Variants in PEAK1 observed in about 807,000 individuals in gnomAD.
PEAK1 encodes the protein inactive tyrosine-protein kinase PEAK1.
A neutral mutation model predicts 124.7 loss-of-function variants in PEAK1; 54 were observed. That is an observed-to-expected ratio of 0.43 (90% CI 0.35 to 0.54). The LOEUF is 0.54. Among genes scored for constraint, PEAK1 ranks in the 20% least tolerant of loss-of-function variants. The pLI is 0.01. For synonymous variants in PEAK1, 719 were observed against 760.0 expected (o/e 0.95, Z 0.89); for missense variants, 2,046 against 2,134.5 (o/e 0.96, Z 0.82).
chr15:77,206,650 C>T (rs2058673742), intron 6 of PEAK1, among the ~76,000 whole-genome samples: 1 of 151,032 alleles, frequency 6.6e-6, no homozygotes, highest in Non-Finnish European at 1.5e-5. Context: ...TGTTCATGTC[C>T]TTCGCCCACT....
chr15:77,158,534 C>CG lies in PEAK1; in HGVS notation c.3299dup (p.Asn1101GlufsTer4). ...TGCTGTATGTTGCACTACAAGGGTT[C>CG]GGGTCCATAGGATCTGAAATGTCTT... On this transcript the variant is annotated frameshift_variant, in exon 8 of 10. Transcript: ENST00000682557. LOFTEE classifies it high-confidence loss of function. 6.2e-7 allele frequency: 1 copy of CG among 1,614,114 alleles called. No homozygotes were observed. The highest frequency in any genetic ancestry group is 8.5e-7 in the Non-Finnish European group (1 of 1,179,978).
At chr15:77,182,833 T>A (rs2057354863) in intron 6 of PEAK1, among the ~76,000 whole-genome samples, 1 of 148,956 alleles carries the variant, frequency 6.7e-6, no homozygotes, top group African/African-American at 2.5e-5. Flanking sequence ...GATTATAGAG[T>A]TTATCCTAAG....
At chr15:77,408,060 G>A (rs947645797) in intron 1 of PEAK1, among the ~76,000 whole-genome samples, 1 of 147,856 alleles carries the variant, frequency 6.8e-6, no homozygotes. Context: ...TACATGCATA[G>A]ATACACATAT....
At chr15:77,130,165 C>T (rs1455541468) in intron 9 of PEAK1, among the ~76,000 whole-genome samples, 1 of 152,112 alleles carries the variant, frequency 6.6e-6, no homozygotes, top group Non-Finnish European at 1.5e-5. Context: ...GGCAATAATA[C>T]ATAAAGTTAG....
At chr15:77,232,197 T>A (rs1286421942) in intron 6 of PEAK1, among the ~76,000 whole-genome samples, 1 of 152,172 alleles carries the variant, frequency 6.6e-6, no homozygotes, top group Non-Finnish European at 1.5e-5. Context: ...ACAATCATCA[T>A]GTTTTCCATT....
intron 8 of PEAK1, among the ~76,000 whole-genome samples, chr15:77,140,373 T>C (rs2053677849): frequency 6.6e-6 from 1 of 151,898 alleles, no homozygotes; most frequent in Non-Finnish European, 1.5e-5. Context: ...CAGCAACATA[T>C]AAAAAAGGAT....
intron 1 of PEAK1, 148 bp from the exon 2 acceptor site, chr15:77,365,373 T>C (rs577369289): frequency 1.3e-4 from 22 of 165,696 alleles, no homozygotes; most frequent in South Asian, 1.2e-3. Context: ...CTATAGAATG[T>C]CAAGAATTAA....
chr15:77,407,596 C>A (rs1032185302), intron 1 of PEAK1, among the ~76,000 whole-genome samples: 15 of 151,986 alleles, frequency 9.9e-5, no homozygotes, highest in African/African-American at 2.7e-4. Flanking sequence ...TGGCCATAAT[C>A]AAAAAATATT....
intron 1 of PEAK1, chr15:77,404,011 C>T: frequency 1.0e-6 from 1 of 973,126 alleles, no homozygotes; most frequent in Non-Finnish European, 1.2e-6. Flanking sequence ...AGGTAATGAG[C>T]ATAGTACCTG....
intron 6 of PEAK1, among the ~76,000 whole-genome samples, chr15:77,229,810 G>C (rs1023685231): frequency 1.3e-5 from 2 of 152,030 alleles, no homozygotes; most frequent in Non-Finnish European, 2.9e-5. Flanking sequence ...ACCATGCCCA[G>C]CTAATTTTGT....
chr15:77,378,188 T>TTA (rs758426465), intron 1 of PEAK1, among the ~76,000 whole-genome samples: 7,925 of 129,610 alleles, frequency 0.061, 260 homozygotes, highest in East Asian at 0.1. Context: ...TATAACAATA[T>TTA]TATATATATA....
chr15:77,405,165 C>T (rs2071711611), intron 1 of PEAK1, among the ~76,000 whole-genome samples: 1 of 152,054 alleles, frequency 6.6e-6, no homozygotes, highest in South Asian at 2.1e-4. Flanking sequence ...GCCACCACAC[C>T]CGGCTAAGTT....
chr15:77,311,685 C>CAAAAAAAAAA (rs11296386), intron 2 of PEAK1, among the ~76,000 whole-genome samples: 18 of 85,834 alleles, frequency 2.1e-4, no homozygotes, highest in East Asian at 3.7e-4. Flanking sequence ...CCAACCCCCA[C>CAAAAAAAAAA]AAAAAAAAAA....
intron 1 of PEAK1, among the ~76,000 whole-genome samples, chr15:77,405,055 G>T (rs2071695934): frequency 6.6e-6 from 1 of 151,584 alleles, no homozygotes; most frequent in South Asian, 2.1e-4. Context: ...CAGCAGGCTG[G>T]AGTGCAGTGG....
chr15:77,303,272 C>T (rs1260906973), intron 2 of PEAK1, among the ~76,000 whole-genome samples: 4 of 152,108 alleles, frequency 2.6e-5, no homozygotes, highest in Admixed American at 2.0e-4. Context: ...TGGGTAAATA[C>T]CTAAGAGCAT....
In PEAK1 at chr15:77,350,745, C is replaced by G. The variant is rs575489300; in HGVS notation, c.-603+14418G>C. On this transcript the variant is annotated intron_variant, in intron 2 of 9. Coordinates refer to ENST00000682557, the MANE Select transcript of PEAK1 (RefSeq NM_001385026.1). ...AATCAGAATGATCATGCTGAAGCACCTTATGGATTAATAAAGACAGATCAA... is the reference window on the plus strand; with the variant it reads ...AATCAGAATGATCATGCTGAAGCACGTTATGGATTAATAAAGACAGATCAA... The G allele has an allele frequency of 3.0e-6, 3 of 984,636 alleles. No individual in the cohort carries two copies. In the East Asian group the frequency reaches 3.4e-4, roughly 112 times the overall value. The allele number at this position is 984,636 out of a possible 1,614,324, so 61.0% of individuals were successfully genotyped here.
intron 1 of PEAK1, chr15:77,418,624 T>A: frequency 2.0e-6 from 2 of 985,256 alleles, no homozygotes; most frequent in Non-Finnish European, 2.4e-6. Flanking sequence ...CCCAGGCAAG[T>A]CAGAAAGTAA....
chr15:77,353,451 G>A (rs190018537), intron 2 of PEAK1, among the ~76,000 whole-genome samples: 5 of 152,306 alleles, frequency 3.3e-5, no homozygotes, highest in Admixed American at 6.5e-5. Flanking sequence ...GTGGTGGACC[G>A]AAGCTGGACC....
intron 2 of PEAK1, among the ~76,000 whole-genome samples, chr15:77,327,142 C>T (rs1205131014): frequency 6.6e-6 from 1 of 152,022 alleles, no homozygotes; most frequent in Non-Finnish European, 1.5e-5. Flanking sequence ...AATGAGTAAC[C>T]TGGATTTTAG....
Sources: gnomAD v4.1 joint callset for allele counts (sites outside exome capture counted in the v4.1 genomes callset) on GRCh38, gnomAD v4.1.1 for gene constraint, MANE v1.5 for transcripts, NCBI Gene and HGNC (gene_info 2026-07-23, HGNC 2026-07-21) for gene names.